Variants in MYO1H observed in about 807,000 individuals in gnomAD.
MYO1H encodes the protein unconventional myosin-Ih.
In MYO1H, 118 loss-of-function variants were observed where a neutral mutation model predicts 149.3. That is an observed-to-expected ratio of 0.79 (90% confidence interval 0.68 to 0.92). MYO1H has a LOEUF of 0.92. MYO1H is among the 40% of genes least tolerant of loss of function. The pLI is 0.00. For missense variants in MYO1H, 1,212 were observed against 1,280.7 expected (o/e 0.95, Z 0.82); for synonymous variants, 447 against 465.2 (o/e 0.96, Z 0.50).
chr12:109,377,709 T>G (rs1330573656), intron 1 of MYO1H, among the ~76,000 whole-genome samples: 1 of 152,250 alleles, frequency 6.6e-6, no homozygotes, highest in East Asian at 1.9e-4. Flanking sequence ...TTCTATTAGA[T>G]TTATTCCTAA....
At chr12:109,403,523 A>G (rs756355705) in intron 6 of MYO1H, among the ~76,000 whole-genome samples, 5 of 152,180 alleles carry the variant, frequency 3.3e-5, no homozygotes, top group Non-Finnish European at 5.9e-5. Flanking sequence ...GTTTCTCTAA[A>G]TGCTAGCCTT....
chr12:109,395,847 TG>T (rs1406398402), intron 3 of MYO1H, among the ~76,000 whole-genome samples: 1 of 151,902 alleles, frequency 6.6e-6, no homozygotes, highest in Admixed American at 6.6e-5. Flanking sequence ...GAGGATTTTT[TG>T]TTTTTTTGTT....
chr12:109,423,610 A>G (rs1871257218), intron 16 of MYO1H, among the ~76,000 whole-genome samples: 1 of 152,154 alleles, frequency 6.6e-6, no homozygotes. Flanking sequence ...CCCAGCAGCC[A>G]CTGGAAATAC....
rs970614577 is a variant in MYO1H at position 109,380,085 on chromosome 12, C to T, written c.13-8598C>T. 1.3e-4 allele frequency among the ~76,000 whole-genome samples: 20 copies of T among 151,810 alleles called. 1 individual carries two copies. The highest frequency in any genetic ancestry group is 4.2e-4 in the South Asian group (2 of 4,784). ...TCATTTTTTACTTTTTGTAGAGATA[C>T]GGTCTCGCTTTGTTGCCCACGCTGG... On this transcript the variant is annotated intron_variant, in intron 1 of 31. Transcript: ENST00000310903.
intron 1 of MYO1H, among the ~76,000 whole-genome samples, chr12:109,369,936 A>G (rs972224255): frequency 6.6e-6 from 1 of 152,230 alleles, no homozygotes; most frequent in Admixed American, 6.5e-5. Context: ...AGAAGGCGAA[A>G]GGCACGTCTT....
intron 13 of MYO1H, among the ~76,000 whole-genome samples, chr12:109,411,425 A>G (rs1870662831): frequency 6.6e-6 from 1 of 152,270 alleles, no homozygotes; most frequent in Non-Finnish European, 1.5e-5. Context: ...TTAAGATGCC[A>G]ACTAAATGGT....
exon 18 of MYO1H, chr12:109,425,975 C>A (rs1871338630): frequency 6.2e-7 from 1 of 1,613,734 alleles, no homozygotes; most frequent in Non-Finnish European, 8.5e-7. Flanking sequence ...ACAGTCTGAG[C>A]AGCCTTCTAG....
chr12:109,350,365 C>T (rs73190673), intron 1 of MYO1H, among the ~76,000 whole-genome samples: 11,867 of 152,052 alleles, frequency 0.078, 519 homozygotes, highest in Middle Eastern at 0.13. Flanking sequence ...GGGAGATTAT[C>T]GAATCATGGG....
intron 20 of MYO1H, among the ~76,000 whole-genome samples, chr12:109,433,587 T>C (rs1376014772): frequency 6.6e-6 from 1 of 152,200 alleles, no homozygotes; most frequent in Admixed American, 6.5e-5. Context: ...TGAAGATCTA[T>C]TCCCCGACAG....
chr12:109,443,948 T>C (rs964269923), intron 28 of MYO1H, among the ~76,000 whole-genome samples: 1 of 151,546 alleles, frequency 6.6e-6, no homozygotes, highest in East Asian at 1.9e-4. Context: ...TCCCCTAGCG[T>C]TGCCCAGCCT....
chr12:109,404,977 G>A (rs1369590791), intron 7 of MYO1H, among the ~76,000 whole-genome samples: 1 of 151,968 alleles, frequency 6.6e-6, no homozygotes, highest in African/African-American at 2.4e-5. Context: ...TTGGGAGGCT[G>A]AGGTGGAGAA....
rs1283862046 is a variant in MYO1H, at chr12:109,421,039, A to G, written c.1644+12A>G. ...GACATCTGAAAGAAGTAAGTCTGAC[A>G]CTTAACTGTATGTGTTTCTGATTAT... On this transcript the variant is annotated intron_variant, in intron 16 of 31. Transcript: ENST00000310903. The G allele has an allele frequency of 6.6e-7, 1 of 1,519,812 alleles. No homozygotes were observed. Among genetic ancestry groups the G allele is most frequent in the Non-Finnish European group, 9.1e-7 (1 of 1,099,626 alleles). The allele number at this position is 1,519,812 out of a possible 1,614,324, so 94.1% of individuals were successfully genotyped here.
At chr12:109,362,934 A>G (rs946744921) in intron 1 of MYO1H, among the ~76,000 whole-genome samples, 1 of 152,242 alleles carries the variant, frequency 6.6e-6, no homozygotes, top group Non-Finnish European at 1.5e-5. Context: ...AGAAGGAATA[A>G]GTTGTTTTCT....
At chr12:109,346,246 T>G (rs1216616885), upstream of MYO1H, among the ~76,000 whole-genome samples, 5 of 152,184 alleles carry the variant, frequency 3.3e-5, no homozygotes, top group African/African-American at 1.2e-4. Context: ...TGACAATGAT[T>G]TAAAGTGTAC....
At chr12:109,446,274 G>A in intron 31 of MYO1H, 1 of 985,422 alleles carries the variant, frequency 1.0e-6, no homozygotes, top group Non-Finnish European at 1.2e-6. Context: ...GGTCCCAGTG[G>A]TCCTCGCTGG....
chr12:109,420,591 G>A (rs932920673), intron 15 of MYO1H, among the ~76,000 whole-genome samples: 8 of 152,130 alleles, frequency 5.3e-5, no homozygotes, highest in East Asian at 1.9e-4. Context: ...TGAGAACAGC[G>A]AGGGGGACAT....
At chr12:109,403,607 C>T (rs982567726) in intron 6 of MYO1H, among the ~76,000 whole-genome samples, 11 of 152,140 alleles carry the variant, frequency 7.2e-5, no homozygotes, top group African/African-American at 2.7e-4. Flanking sequence ...CTAAGTGAGT[C>T]AGGAGTTTCT....
intron 16 of MYO1H, 83 bp from the exon 17 acceptor site, chr12:109,424,665 A>T: frequency 9.7e-7 from 1 of 1,029,236 alleles, no homozygotes; most frequent in Non-Finnish European, 1.5e-6. Flanking sequence ...CTGTTGCTTC[A>T]TGCACACTCT....
exon 30 of MYO1H, chr12:109,444,487 T>G (rs773469336): frequency 1.9e-6 from 3 of 1,613,906 alleles, no homozygotes; most frequent in Non-Finnish European, 2.5e-6. Context: ...AAACTCGTCA[T>G]GCTGGTTAAG....
Sources: allele counts gnomAD v4.1 joint callset (sites outside exome capture counted in the v4.1 genomes callset), GRCh38; gene constraint gnomAD v4.1.1; transcripts MANE v1.5; gene names NCBI Gene and HGNC (gene_info 2026-07-23, HGNC 2026-07-21).